DCC: variants seen among roughly 807,000 people sequenced by gnomAD.
The protein encoded by DCC is netrin receptor DCC.
In DCC, 58 loss-of-function variants were observed where a neutral mutation model predicts 172.5. The ratio of observed to expected loss-of-function variants is 0.34; its 90% confidence interval spans 0.27 to 0.42. The LOEUF is 0.42. Among genes scored for constraint, DCC ranks in the 10% least tolerant of loss-of-function variants. The pLI is 1.00. For synonymous variants in DCC, 709 were observed against 644.5 expected (o/e 1.10, Z -1.52); for missense variants, 1,740 against 1,791.0 (o/e 0.97, Z 0.51).
At chr18:52,353,544 A>G (rs1468605354) in intron 1 of DCC, among the ~76,000 whole-genome samples, 1 of 152,222 alleles carries the variant, frequency 6.6e-6, no homozygotes, top group Admixed American at 6.5e-5. Context: ...GATGGTCTTC[A>G]GGGCATGAAA....
At chr18:52,899,343 CTTTTTTTTTTTTTT>C (rs57712241) in intron 2 of DCC, among the ~76,000 whole-genome samples, 23 of 55,194 alleles carry the variant, frequency 4.2e-4, no homozygotes, top group African/African-American at 1.6e-3. Flanking sequence ...TCTTTCTTTC[CTTTTTTTTTTTTTT>C]TTTTTTTTTT....
intron 7 of DCC, among the ~76,000 whole-genome samples, chr18:53,103,567 T>C (rs1313047371): frequency 1.3e-5 from 2 of 152,006 alleles, no homozygotes; most frequent in East Asian, 3.9e-4. Flanking sequence ...ATTAAAATAA[T>C]GTGCTATGAC....
chr18:53,110,108 T>C (rs887913276), intron 7 of DCC, among the ~76,000 whole-genome samples: 2 of 151,682 alleles, frequency 1.3e-5, no homozygotes, highest in Admixed American at 1.3e-4. Flanking sequence ...AACTCATACT[T>C]ATGCAGAAGA....
intron 3 of DCC, among the ~76,000 whole-genome samples, chr18:52,913,704 A>G (rs1447588789): frequency 6.6e-6 from 1 of 152,158 alleles, no homozygotes; most frequent in Middle Eastern, 3.4e-3. Context: ...CATGAGGCCA[A>G]AATATGGTCA....
intron 5 of DCC, among the ~76,000 whole-genome samples, chr18:52,925,718 C>T (rs1039191659): frequency 3.3e-5 from 5 of 151,584 alleles, no homozygotes; most frequent in African/African-American, 1.2e-4. Context: ...AAATATTTAT[C>T]CTTGAGGGGA....
chr18:52,897,154 G>A (rs1242100119), intron 2 of DCC, among the ~76,000 whole-genome samples: 1 of 152,158 alleles, frequency 6.6e-6, no homozygotes, highest in Non-Finnish European at 1.5e-5. Context: ...CTGTTTCTGG[G>A]TCTCATGTAT....
At chr18:52,852,818 A>G (rs1568146074) in intron 2 of DCC, among the ~76,000 whole-genome samples, 1 of 152,196 alleles carries the variant, frequency 6.6e-6, no homozygotes, top group Non-Finnish European at 1.5e-5. Context: ...TTGTTGAAAA[A>G]TCAGCATTTA....
chr18:53,356,613 T>G (rs1330464897), intron 15 of DCC, among the ~76,000 whole-genome samples: 1 of 152,190 alleles, frequency 6.6e-6, no homozygotes, highest in Non-Finnish European at 1.5e-5. Context: ...GATGGAGTCC[T>G]GACTCAGCAC....
At chr18:53,502,468 AGACT>A (rs2046113829) in intron 27 of DCC, among the ~76,000 whole-genome samples, 1 of 152,236 alleles carries the variant, frequency 6.6e-6, no homozygotes, top group Non-Finnish European at 1.5e-5. Flanking sequence ...GAAAATTAGC[AGACT>A]GACAAATGTA....
At chr18:53,436,531 A>T (rs1911951600) in intron 22 of DCC, among the ~76,000 whole-genome samples, 1 of 152,196 alleles carries the variant, frequency 6.6e-6, no homozygotes, top group Non-Finnish European at 1.5e-5. Flanking sequence ...TGATAATCTA[A>T]TGCAGCAATT....
intron 1 of DCC, among the ~76,000 whole-genome samples, chr18:52,537,359 T>G (rs570061160): frequency 6.6e-6 from 1 of 152,312 alleles, no homozygotes; most frequent in Non-Finnish European, 1.5e-5. Flanking sequence ...AATTATTAGC[T>G]TTCATAGGTT....
intron 7 of DCC, among the ~76,000 whole-genome samples, chr18:53,154,623 G>GTC (rs1457893652): frequency 2.0e-5 from 3 of 152,170 alleles, no homozygotes; most frequent in African/African-American, 7.2e-5. Context: ...GTGCAATGGT[G>GTC]TCAATGGAAG....
chr18:53,179,255 C>A, intron 9 of DCC, 139 bp downstream of exon 9: 1 of 841,226 alleles, frequency 1.2e-6, no homozygotes, highest in Non-Finnish European at 1.9e-6. Context: ...TTATATAACT[C>A]GAGGACTTTT....
intron 2 of DCC, among the ~76,000 whole-genome samples, chr18:52,897,487 G>C (rs1270635233): frequency 1.3e-5 from 2 of 152,166 alleles, no homozygotes; most frequent in Non-Finnish European, 2.9e-5. Flanking sequence ...ACCAATATTT[G>C]TGTATTTTTT....
At chr18:52,908,899 C>T (rs2032255) in intron 3 of DCC, among the ~76,000 whole-genome samples, 59,137 of 151,484 alleles carry the variant, frequency 0.39, 12,092 homozygotes, top group Non-Finnish European at 0.47. Flanking sequence ...AGTACATGCA[C>T]GTGTGTACAC....
At chr18:53,448,287 G>T (rs1388000264) in intron 22 of DCC, among the ~76,000 whole-genome samples, 2 of 152,088 alleles carry the variant, frequency 1.3e-5, no homozygotes, top group East Asian at 3.8e-4. Flanking sequence ...AGCGTGGCTT[G>T]GGATGCTTCA....
At chr18:53,103,823 T>C (rs536673247) in intron 7 of DCC, among the ~76,000 whole-genome samples, 1 of 152,104 alleles carries the variant, frequency 6.6e-6, no homozygotes, top group South Asian at 2.1e-4. Flanking sequence ...TAGGAAAAGG[T>C]TAAGCATGTG....
At chr18:52,885,679 G>T (rs2039558446) in intron 2 of DCC, among the ~76,000 whole-genome samples, 1 of 152,048 alleles carries the variant, frequency 6.6e-6, no homozygotes. Flanking sequence ...TACCTAAAGT[G>T]CAAGACAAAG....
At chr18:53,252,965 G>A (rs976555428) in intron 12 of DCC, among the ~76,000 whole-genome samples, 3 of 151,936 alleles carry the variant, frequency 2.0e-5, no homozygotes, top group Non-Finnish European at 4.4e-5. Context: ...AAGTCACATA[G>A]CTAATGATAT....
Sources: gnomAD v4.1 joint callset for allele counts (sites outside exome capture counted in the v4.1 genomes callset) on GRCh38, gnomAD v4.1.1 for gene constraint, MANE v1.5 for transcripts, NCBI Gene and HGNC (gene_info 2026-07-23, HGNC 2026-07-21) for gene names.